The following PPP2R2B variants were observed in gnomAD, a reference collection of about 807,000 sequenced individuals.
PPP2R2B encodes protein phosphatase 2 regulatory subunit Bbeta.
A neutral mutation model predicts 46.0 loss-of-function variants in PPP2R2B; 5 were observed. The ratio of observed to expected loss-of-function variants is 0.11; its 90% CI spans 0.06 to 0.23. The LOEUF (loss-of-function observed/expected upper bound fraction) is 0.23, where lower values mean the gene tolerates loss of function less well. Among genes scored for constraint, PPP2R2B ranks in the 10% least tolerant of loss-of-function variants. The pLI is 1.00. For missense variants in PPP2R2B, 367 were observed against 575.0 expected (o/e 0.64, Z 3.70); for synonymous variants, 215 against 206.7 (o/e 1.04, Z -0.34).
intron 1 of PPP2R2B, among the ~76,000 whole-genome samples, chr5:146,954,232 C>A (rs1410286043): frequency 1.3e-5 from 2 of 151,754 alleles, no homozygotes; most frequent in Admixed American, 1.3e-4. Flanking sequence ...TTCTCCAGGA[C>A]CTCAAAATAT....
At chr5:146,675,378 G>A (rs941843293) in intron 5 of PPP2R2B, among the ~76,000 whole-genome samples, 1 of 152,102 alleles carries the variant, frequency 6.6e-6, no homozygotes, top group African/African-American at 2.4e-5. Flanking sequence ...TTCAATCTTT[G>A]TTTTTATGTT....
rs377671378 is a variant in PPP2R2B, at chr5:146,722,617, C to G, written c.71-21475G>C. 7.2e-5 allele frequency among the ~76,000 whole-genome samples: 11 copies of G among 152,262 alleles called. No homozygotes were observed. The East Asian group carries it at 1.7e-3, about 24-fold the overall frequency. On this transcript the variant is annotated intron_variant, in intron 2 of 9. Coordinates refer to ENST00000394411, the MANE Select transcript of PPP2R2B (RefSeq NM_181675.4). ...AACAGAAGTAGGTGAAATCTTATTG[C>G]CTGACTGGTTTTTCTGGCTCAAATT...
At chr5:146,835,757 G>A (rs1415516087) in intron 2 of PPP2R2B, among the ~76,000 whole-genome samples, 3 of 152,172 alleles carry the variant, frequency 2.0e-5, no homozygotes, top group East Asian at 1.9e-4. Flanking sequence ...TACAGATATC[G>A]GTAAAGGAGT....
intron 2 of PPP2R2B, among the ~76,000 whole-genome samples, chr5:146,852,745 C>T (rs962614777): frequency 6.6e-6 from 1 of 152,034 alleles, no homozygotes; most frequent in African/African-American, 2.4e-5. Flanking sequence ...TATAGACGGT[C>T]CTAAGTTCAC....
intron 2 of PPP2R2B, among the ~76,000 whole-genome samples, chr5:146,747,621 C>G (rs1391900120): frequency 6.6e-6 from 1 of 152,126 alleles, no homozygotes; most frequent in Non-Finnish European, 1.5e-5. Context: ...AGCACTGCAT[C>G]AAAATCAATG....
At chr5:146,710,914 G>T (rs1780179279) in intron 2 of PPP2R2B, among the ~76,000 whole-genome samples, 1 of 152,198 alleles carries the variant, frequency 6.6e-6, no homozygotes, top group Admixed American at 6.5e-5. Context: ...ATGTTCTGAA[G>T]TCAGTAAGAC....
chr5:146,839,322 A>G (rs980703996), intron 2 of PPP2R2B, among the ~76,000 whole-genome samples: 21 of 152,116 alleles, frequency 1.4e-4, no homozygotes, highest in African/African-American at 5.1e-4. Context: ...GGAGTTTGAG[A>G]CCAGCCTGGG....
At chr5:146,842,556 C>A (rs1285944148) in intron 2 of PPP2R2B, among the ~76,000 whole-genome samples, 1 of 148,882 alleles carries the variant, frequency 6.7e-6, no homozygotes, top group Non-Finnish European at 1.5e-5. Flanking sequence ...AAAACATGTG[C>A]CGTGGGGGTT....
At chr5:146,711,647 G>A (rs1780217897) in intron 2 of PPP2R2B, among the ~76,000 whole-genome samples, 1 of 152,122 alleles carries the variant, frequency 6.6e-6, no homozygotes, top group African/African-American at 2.4e-5. Context: ...AAGCCAAAGT[G>A]GATGAGCAAA....
At chr5:146,853,488 G>A (rs1287410608) in intron 2 of PPP2R2B, among the ~76,000 whole-genome samples, 2 of 152,040 alleles carry the variant, frequency 1.3e-5, no homozygotes, top group African/African-American at 2.4e-5. Context: ...TGCTAATAAG[G>A]TGACTTTGAG....
intron 1 of PPP2R2B, among the ~76,000 whole-genome samples, chr5:146,998,532 G>T (rs1017732785): frequency 1.3e-5 from 2 of 152,164 alleles, no homozygotes; most frequent in Admixed American, 6.5e-5. Flanking sequence ...ACCTGTATTT[G>T]CATGCACATT....
chr5:146,711,212 A>G (rs1182462436), intron 2 of PPP2R2B, among the ~76,000 whole-genome samples: 3 of 151,340 alleles, frequency 2.0e-5, no homozygotes, highest in African/African-American at 7.3e-5. Flanking sequence ...GTCTCTTAGT[A>G]TATAACAGAT....
intron 2 of PPP2R2B, among the ~76,000 whole-genome samples, chr5:147,062,305 C>T (rs60803545): frequency 0.11 from 17,306 of 152,074 alleles, 1,182 homozygotes; most frequent in African/African-American, 0.19. Flanking sequence ...CCTAATATTA[C>T]TCTTCTCAGA....
In PPP2R2B at chr5:146,589,811, C is replaced by A; in HGVS notation, c.*136G>T. ...ACTGGGGAGCTGGGAATGTTGGACT[C>A]CTTTTAATTCTATTCCAATCATTTC... On this transcript the variant is annotated 3_prime_UTR_variant, in exon 10 of 10. Transcript: ENST00000394411. The A allele has an allele frequency of 2.1e-6, 2 of 958,176 alleles. No homozygotes were observed. The highest frequency in any genetic ancestry group is 3.1e-6 in the Non-Finnish European group (2 of 643,288). The allele number at this position is 958,176 out of a possible 1,614,324, so 59.4% of individuals were successfully genotyped here.
chr5:146,789,779 G>A (rs1424711239), intron 2 of PPP2R2B, among the ~76,000 whole-genome samples: 2 of 152,186 alleles, frequency 1.3e-5, no homozygotes, highest in African/African-American at 4.8e-5. Context: ...TCTCTGAGGA[G>A]TGACAACTGA....
intron 2 of PPP2R2B, among the ~76,000 whole-genome samples, chr5:146,726,689 A>G (rs1242433398): frequency 6.6e-6 from 1 of 152,212 alleles, no homozygotes; most frequent in African/African-American, 2.4e-5. Flanking sequence ...TTGAGTCAAT[A>G]TCTTAACAAC....
At chr5:146,915,330 C>T (rs1763342822) in intron 1 of PPP2R2B, among the ~76,000 whole-genome samples, 1 of 152,210 alleles carries the variant, frequency 6.6e-6, no homozygotes, top group South Asian at 2.1e-4. Context: ...AAATTGCTCA[C>T]CCTGGCATTC....
intron 2 of PPP2R2B, among the ~76,000 whole-genome samples, chr5:146,720,107 T>C (rs1215068193): frequency 6.6e-6 from 1 of 152,238 alleles, no homozygotes; most frequent in Admixed American, 6.5e-5. Flanking sequence ...AGTTAGCAGC[T>C]GCTGGTCTTT....
intron 5 of PPP2R2B, among the ~76,000 whole-genome samples, chr5:146,690,623 C>G (rs7444356): frequency 0.58 from 87,529 of 152,116 alleles, 28,434 homozygotes; most frequent in East Asian, 0.89. Flanking sequence ...ACGAGCAGTA[C>G]GTACTGTGTT....
Sources: gnomAD v4.1 joint callset for allele counts (sites outside exome capture counted in the v4.1 genomes callset) on GRCh38, gnomAD v4.1.1 for gene constraint, MANE v1.5 for transcripts, NCBI Gene and HGNC (gene_info 2026-07-23, HGNC 2026-07-21) for gene names.